The following SLC25A29 variants were observed in gnomAD, a reference collection of about 807,000 sequenced individuals.
SLC25A29 encodes mitochondrial basic amino acids transporter.
Under a neutral mutation model 10.0 loss-of-function variants are expected in SLC25A29, and 13 were observed. That is an observed-to-expected ratio of 1.30 (90% confidence interval 0.85 to 2.07). The LOEUF (loss-of-function observed/expected upper bound fraction) is 2.07. Ranked by LOEUF, SLC25A29 falls within the 30% of genes most tolerant of loss-of-function variation. The pLI is 0.00. For synonymous variants in SLC25A29, 244 were observed against 221.1 expected, an observed-to-expected ratio of 1.10 and a Z score of -0.92; for missense variants, 475 against 447.6, an observed-to-expected ratio of 1.06 and a Z score of -0.55.
At chr14:100,295,993 C>T (rs1250917221) in intron 2 of SLC25A29, 1 of 1,289,356 alleles carries the variant, frequency 7.8e-7, no homozygotes, top group Non-Finnish European at 1.0e-6. Context: ...GTCCCAAGGG[C>T]CTGGGGGAAT....
chr14:100,281,125 G>A, the SLC25A29 span: 7 of 107,034 alleles, frequency 6.5e-5, no homozygotes, highest in East Asian at 9.2e-4. Context: ...CCCCACCCCC[G>A]ACTATAGGCA....
At chr14:100,281,230 T>C in the SLC25A29 span, 5 of 152,038 alleles carry the variant, frequency 3.3e-5, no homozygotes, top group East Asian at 9.7e-4. Context: ...ATTATTTAAT[T>C]ATTCTTTAAT....
At chr14:100,299,574 A>C (rs1338381927) in intron 1 of SLC25A29, 53 of 985,670 alleles carry the variant, frequency 5.4e-5, no homozygotes, top group Non-Finnish European at 6.1e-5. Context: ...CCTGCCAAAA[A>C]TCCAGCCCCT....
At chr14:100,293,127 C>T in intron 3 of SLC25A29, 95 bp from the exon 4 acceptor site, 1 of 1,457,498 alleles carries the variant, frequency 6.9e-7, no homozygotes, top group South Asian at 1.4e-5. Flanking sequence ...CAGCCCACCC[C>T]AGGGGCTCCT....
At chr14:100,296,966 G>A (rs767473088) in intron 2 of SLC25A29, among the ~76,000 whole-genome samples, 61 of 152,120 alleles carry the variant, frequency 4.0e-4, no homozygotes, top group Non-Finnish European at 6.8e-4. Context: ...GTGCTGGCAC[G>A]TGCCTGTAAT....
chr14:100,285,425 G>A, the SLC25A29 span, among the ~76,000 whole-genome samples: 1 of 151,622 alleles, frequency 6.6e-6, no homozygotes, highest in Admixed American at 6.6e-5. Flanking sequence ...CCGCAGGAGG[G>A]CACTGTGCCA....
At chr14:100,303,917 G>A (rs1309027036) in intron 1 of SLC25A29, among the ~76,000 whole-genome samples, 2 of 152,088 alleles carry the variant, frequency 1.3e-5, no homozygotes, top group African/African-American at 2.4e-5. Context: ...TTCTCTCTGC[G>A]CCTGCTTCTG....
chr14:100,295,781 C>T (rs760504875), intron 2 of SLC25A29: 169 of 1,289,478 alleles, frequency 1.3e-4, no homozygotes, highest in Non-Finnish European at 1.6e-4. Flanking sequence ...CCAGCCCCCA[C>T]CCACACTCCC....
At chr14:100,286,090 G>GC in the SLC25A29 span, among the ~76,000 whole-genome samples, 1 of 152,126 alleles carries the variant, frequency 6.6e-6, no homozygotes, top group South Asian at 2.1e-4. Flanking sequence ...TTCACCCTCT[G>GC]CCCCCAAGCG....
chr14:100,283,584 C>G, the SLC25A29 span, among the ~76,000 whole-genome samples: 5 of 149,908 alleles, frequency 3.3e-5, no homozygotes, highest in Non-Finnish European at 5.9e-5. Context: ...CTCCCGGGTT[C>G]AAGCGGTTCT....
downstream of SLC25A29, among the ~76,000 whole-genome samples, chr14:100,286,474 G>GGT (rs1555371672): frequency 1.4e-5 from 2 of 142,152 alleles, no homozygotes; most frequent in Non-Finnish European, 3.1e-5. Flanking sequence ...CATGGCTGGG[G>GGT]GGGGGGGTGT....
At chr14:100,284,708 G>A in the SLC25A29 span, among the ~76,000 whole-genome samples, 1 of 152,172 alleles carries the variant, frequency 6.6e-6, no homozygotes, top group African/African-American at 2.4e-5. Context: ...ACTGGCACTG[G>A]CATGACATCT....
intron 1 of SLC25A29, among the ~76,000 whole-genome samples, chr14:100,300,254 G>A (rs1337083115): frequency 6.6e-6 from 1 of 152,120 alleles, no homozygotes; most frequent in Admixed American, 6.6e-5. Flanking sequence ...GACCCAGAGA[G>A]CAAGACTCCG....
chr14:100,281,068 A>AG, the SLC25A29 span: 1 of 136,616 alleles, frequency 7.3e-6, no homozygotes, highest in Non-Finnish European at 1.7e-5. Context: ...TCCCAAAAAA[A>AG]AAAAAAAAAA....
At chr14:100,286,505 T>TG (rs1442653113), downstream of SLC25A29, among the ~76,000 whole-genome samples, 36 of 44,398 alleles carry the variant, frequency 8.1e-4, 1 homozygote, top group African/African-American at 2.9e-3. Context: ...GGGGCGCTGG[T>TG]GGGGGCGTCT....
intron 1 of SLC25A29, chr14:100,299,217 C>A: frequency 8.5e-7 from 1 of 1,182,654 alleles, no homozygotes; most frequent in Admixed American, 4.3e-5. Context: ...CACACTATTT[C>A]TGGGATATCC....
chr14:100,288,067 CAT>C (rs1019712460), downstream of SLC25A29, among the ~76,000 whole-genome samples: 1 of 152,144 alleles, frequency 6.6e-6, no homozygotes, highest in African/African-American at 2.4e-5. Flanking sequence ...AGCTGTCAGA[CAT>C]ATGGCCAGCT....
At position 100,292,324 on chromosome 14, in the gene SLC25A29, C is replaced by G. The variant is rs761041301; in HGVS notation, c.871G>C (p.Ala291Pro). The change falls in exon 4 of 4, where the codon GCC becomes CCC. Residue 291 changes from alanine (A) to proline (P), a missense_variant. Transcript: ENST00000359232. ...TGCGCCAGGGCAGGCCCCGCAGGGG[C>G]GGCGGGCACAGCCTCGCCCTCGGGC... Reference protein sequence around the residue: ...AGPEGEAVPAAPAGPALAQPS... With the variant: ...AGPEGEAVPAPPAGPALAQPS... 1.3e-6 allele frequency: 2 copies of G among 1,503,682 alleles called. No individual in the cohort carries two copies. Among genetic ancestry groups the G allele is most frequent in the East Asian group, 5.1e-5 (2 of 39,474 alleles). The allele number at this position is 1,503,682 out of a possible 1,614,324, so 93.1% of individuals were successfully genotyped here. A position where few individuals can be genotyped will look rare whatever the true frequency, so the allele number is the denominator to read the frequency against.
chr14:100,306,289 C>T lies in SLC25A29; in HGVS notation c.-57G>A, dbSNP rs7150817. 1.8e-3 allele frequency: 2,369 copies of T among 1,339,200 alleles called. 35 individuals are homozygous for T. The African/African-American group carries it at 0.027, about 15-fold the overall frequency. 83.0% of individuals were successfully genotyped at this position (1,339,200 alleles called of 1,614,324 possible). A position where few individuals can be genotyped will look rare whatever the true frequency, so the allele number is the denominator to read the frequency against. Reference sequence around the variant, plus strand: ...CTCGTCCTCCCCCTGAGGCCCCTCGCCGGGCTGGGCGCCGTCGGGGTCCCC... The same window carrying T: ...CTCGTCCTCCCCCTGAGGCCCCTCGTCGGGCTGGGCGCCGTCGGGGTCCCC... On this transcript the variant is annotated 5_prime_UTR_variant, in exon 1 of 4. Transcript: ENST00000359232.
Sources: gnomAD v4.1 joint callset for allele counts (sites outside exome capture counted in the v4.1 genomes callset) on GRCh38, gnomAD v4.1.1 for gene constraint, MANE v1.5 for transcripts, NCBI Gene and HGNC (gene_info 2026-07-23, HGNC 2026-07-21) for gene names.